Variants in FOXP2 observed in about 807,000 individuals in gnomAD.
The protein encoded by FOXP2 is forkhead box protein P2.
In FOXP2, 12 loss-of-function variants were observed where a neutral mutation model predicts 115.8. That is an observed-to-expected ratio of 0.10 (90% CI 0.07 to 0.17). The LOEUF (loss-of-function observed/expected upper bound fraction) is 0.17. FOXP2 is among the 10% of genes least tolerant of loss of function. The probability of loss-of-function intolerance (pLI) is 1.00; values close to 1 mark genes in which losing one functional copy is unlikely to be tolerated. For missense variants in FOXP2, 629 were observed against 843.5 expected (o/e 0.75, Z 3.15); for synonymous variants, 328 against 297.7 (o/e 1.10, Z -1.05).
intron 1 of FOXP2, among the ~76,000 whole-genome samples, chr7:114,142,855 C>T (rs191486988): frequency 1.6e-4 from 24 of 151,628 alleles, no homozygotes; most frequent in Non-Finnish European, 2.5e-4. Flanking sequence ...AAAAATTTAA[C>T]GCCCACTTCT....
intron 1 of FOXP2, among the ~76,000 whole-genome samples, chr7:114,257,732 C>T (rs1011551873): frequency 1.6e-4 from 25 of 152,124 alleles, no homozygotes; most frequent in African/African-American, 5.6e-4. Flanking sequence ...GGATTACTGG[C>T]ATGAGCCACC....
At chr7:114,491,135 G>C (rs1431876940) in intron 2 of FOXP2, among the ~76,000 whole-genome samples, 2 of 152,160 alleles carry the variant, frequency 1.3e-5, no homozygotes, top group African/African-American at 4.8e-5. Flanking sequence ...GTGTAACAGT[G>C]TTCCTATTTC....
At chr7:114,145,431 T>TTTTTCTTTTCTTTTTCTTTTC (rs1554421628) in intron 1 of FOXP2, among the ~76,000 whole-genome samples, 12 of 100,446 alleles carry the variant, frequency 1.2e-4, no homozygotes, top group African/African-American at 4.3e-4. Context: ...GCTTTGCCAT[T>TTTTTCTTTTCTTTTTCTTTTC]TTTTCTTTTC....
intron 10 of FOXP2, among the ~76,000 whole-genome samples, chr7:114,656,987 T>C (rs1806626888): frequency 6.6e-6 from 1 of 152,206 alleles, no homozygotes; most frequent in Non-Finnish European, 1.5e-5. Flanking sequence ...GCAGTTACTT[T>C]ATAGAGAAAC....
At chr7:114,178,719 T>G (rs1434282311) in intron 1 of FOXP2, among the ~76,000 whole-genome samples, 1 of 151,908 alleles carries the variant, frequency 6.6e-6, no homozygotes, top group Non-Finnish European at 1.5e-5. Context: ...AAGAAAGAAA[T>G]CTAATTAGTT....
chr7:114,437,083 C>A (rs1794386282), intron 2 of FOXP2, among the ~76,000 whole-genome samples: 1 of 151,992 alleles, frequency 6.6e-6, no homozygotes. Context: ...GTATGATCAG[C>A]CTTCAATTTA....
At chr7:114,640,786 G>C (rs1284721073) in intron 6 of FOXP2, among the ~76,000 whole-genome samples, 2 of 152,142 alleles carry the variant, frequency 1.3e-5, no homozygotes, top group African/African-American at 4.8e-5. Flanking sequence ...AGATGTTATA[G>C]ATGCACATAG....
intron 16 of FOXP2, among the ~76,000 whole-genome samples, chr7:114,679,638 C>T (rs1301330015): frequency 6.6e-6 from 1 of 151,936 alleles, no homozygotes; most frequent in African/African-American, 2.4e-5. Flanking sequence ...AGCCCTCCTT[C>T]CCCCATGCAC....
In FOXP2 at chr7:114,122,613, A is replaced by G. The variant is rs532039467; in HGVS notation, c.-247+34775A>G. Reference sequence around the variant, plus strand: ...CCCATCTTTGGGGTTTTCAGCAGCTATTCTCTGTGGGCTGTCAGGTATTGC... The same window carrying G: ...CCCATCTTTGGGGTTTTCAGCAGCTGTTCTCTGTGGGCTGTCAGGTATTGC... On this transcript the variant is annotated intron_variant, in intron 1 of 19. Transcript: ENST00000635638. 4.6e-5 allele frequency among the ~76,000 whole-genome samples: 7 copies of G among 152,008 alleles called. No individual in the cohort carries two copies. The South Asian group carries it at 6.2e-4, about 14-fold the overall frequency.
intron 1 of FOXP2, among the ~76,000 whole-genome samples, chr7:114,234,840 T>C (rs895156685): frequency 6.6e-6 from 1 of 152,200 alleles, no homozygotes; most frequent in Non-Finnish European, 1.5e-5. Flanking sequence ...AGATCATATG[T>C]CTCTACCTAG....
intron 3 of FOXP2, chr7:114,570,833 T>C: frequency 1.2e-6 from 2 of 1,612,050 alleles, no homozygotes; most frequent in South Asian, 1.1e-5. Context: ...CAAAATTATG[T>C]ATCTGTGGCC....
chr7:114,117,804 A>G (rs1398529067), intron 1 of FOXP2, among the ~76,000 whole-genome samples: 1 of 152,144 alleles, frequency 6.6e-6, no homozygotes, highest in Non-Finnish European at 1.5e-5. Flanking sequence ...GCTGGAAGTC[A>G]GAGATCAGAG....
At chr7:114,573,956 G>T (rs1420820566) in intron 3 of FOXP2, among the ~76,000 whole-genome samples, 3 of 151,626 alleles carry the variant, frequency 2.0e-5, no homozygotes, top group Non-Finnish European at 4.4e-5. Context: ...AGCAAAACGT[G>T]CAATAAAAAT....
chr7:114,662,953 T>G (rs1002925174), intron 14 of FOXP2, among the ~76,000 whole-genome samples: 1 of 152,140 alleles, frequency 6.6e-6, no homozygotes, highest in East Asian at 1.9e-4. Context: ...GACTTTTGAT[T>G]TCTATAGTCA....
chr7:114,650,654 C>G (rs1806197951), intron 8 of FOXP2, among the ~76,000 whole-genome samples: 1 of 152,032 alleles, frequency 6.6e-6, no homozygotes, highest in African/African-American at 2.4e-5. Context: ...TCCCAGAGAG[C>G]ATGAGTGAAT....
chr7:114,592,567 G>A (rs1271805462), intron 3 of FOXP2, among the ~76,000 whole-genome samples: 1 of 151,834 alleles, frequency 6.6e-6, no homozygotes, highest in Non-Finnish European at 1.5e-5. Context: ...ATCCAAATCT[G>A]TAAATATTGC....
intron 2 of FOXP2, among the ~76,000 whole-genome samples, chr7:114,377,607 C>G (rs957606067): frequency 6.6e-6 from 1 of 152,176 alleles, no homozygotes; most frequent in African/African-American, 2.4e-5. Context: ...TCTTTTCCCT[C>G]TTACTGGACA....
At chr7:114,520,928 G>A (rs1212991849) in intron 2 of FOXP2, among the ~76,000 whole-genome samples, 6 of 152,042 alleles carry the variant, frequency 3.9e-5, no homozygotes, top group African/African-American at 1.4e-4. Context: ...ACTTTTGGGA[G>A]ATAATTACAA....
intron 2 of FOXP2, among the ~76,000 whole-genome samples, chr7:114,522,714 T>C (rs989830727): frequency 3.9e-5 from 6 of 152,162 alleles, no homozygotes; most frequent in African/African-American, 1.4e-4. Context: ...ATTTTCACCA[T>C]TAGTTTGTAT....
Sources: gnomAD v4.1 joint callset for allele counts (sites outside exome capture counted in the v4.1 genomes callset) on GRCh38, gnomAD v4.1.1 for gene constraint, MANE v1.5 for transcripts, NCBI Gene and HGNC (gene_info 2026-07-23, HGNC 2026-07-21) for gene names.